Variants in CTNNA2 observed in about 807,000 individuals in gnomAD.
The protein encoded by CTNNA2 is catenin alpha-2.
A neutral mutation model predicts 101.0 loss-of-function variants in CTNNA2; 42 were observed. The ratio of observed to expected loss-of-function variants is 0.42; its 90% CI spans 0.32 to 0.54. The LOEUF (loss-of-function observed/expected upper bound fraction) is 0.54, where lower values mean the gene tolerates loss of function less well. Among genes scored for constraint, CTNNA2 ranks in the 20% least tolerant of loss-of-function variants. The probability of loss-of-function intolerance (pLI) is 0.14; values close to 1 mark genes in which losing one functional copy is unlikely to be tolerated. For synonymous variants in CTNNA2, 450 were observed against 456.4 expected (o/e 0.99, Z 0.18); for missense variants, 871 against 1,223.1 (o/e 0.71, Z 4.29).
intron 7 of CTNNA2, among the ~76,000 whole-genome samples, chr2:80,340,088 C>T (rs374320914): frequency 6.6e-6 from 1 of 152,286 alleles, no homozygotes; most frequent in Non-Finnish European, 1.5e-5. Flanking sequence ...TTTCTTCTTT[C>T]GACTGACAAG....
intron 3 of CTNNA2, among the ~76,000 whole-genome samples, chr2:79,795,621 A>G (rs965521057): frequency 1.3e-5 from 2 of 152,138 alleles, no homozygotes; most frequent in African/African-American, 4.8e-5. Flanking sequence ...AAAGGACTGT[A>G]TCATGTTTTA....
chr2:79,231,224 A>G (rs1674487880), intron 2 of CTNNA2, among the ~76,000 whole-genome samples: 1 of 152,224 alleles, frequency 6.6e-6, no homozygotes, highest in African/African-American at 2.4e-5. Flanking sequence ...TGTATCTCCC[A>G]AAATTCCCAC....
At chr2:79,889,975 T>C (rs1463289979) in intron 6 of CTNNA2, among the ~76,000 whole-genome samples, 1 of 152,202 alleles carries the variant, frequency 6.6e-6, no homozygotes, top group Non-Finnish European at 1.5e-5. Context: ...CAGATTAAAT[T>C]ACCTCTTGGT....
chr2:79,965,827 C>CAAAAAAAAAAA (rs10686940), intron 7 of CTNNA2, among the ~76,000 whole-genome samples: 54 of 77,972 alleles, frequency 6.9e-4, no homozygotes, highest in Non-Finnish European at 9.5e-4. Flanking sequence ...GAGACTATGT[C>CAAAAAAAAAAA]AAAAAAAAAA....
chr2:79,293,917 G>T (rs1247563696), intron 2 of CTNNA2, among the ~76,000 whole-genome samples: 1 of 152,044 alleles, frequency 6.6e-6, no homozygotes. Flanking sequence ...GATACAGCAG[G>T]ATGGCCTCAT....
intron 7 of CTNNA2, among the ~76,000 whole-genome samples, chr2:80,074,257 A>G (rs927336761): frequency 1.3e-5 from 2 of 152,176 alleles, no homozygotes; most frequent in African/African-American, 4.8e-5. Flanking sequence ...AGCACACTCC[A>G]TCATATTGGG....
intron 2 of CTNNA2, among the ~76,000 whole-genome samples, chr2:79,690,421 A>T (rs1684210880): frequency 6.6e-6 from 1 of 152,034 alleles, no homozygotes; most frequent in Non-Finnish European, 1.5e-5. Context: ...TTCCATACGA[A>T]AGGAAATACT....
chr2:79,895,691 AATT>A (rs1684657871), intron 6 of CTNNA2, among the ~76,000 whole-genome samples: 1 of 107,764 alleles, frequency 9.3e-6, no homozygotes, highest in Non-Finnish European at 1.8e-5. Context: ...GAAATTTCTT[AATT>A]TTTTTTTTTT....
At chr2:79,199,215 G>T (rs753716363) in intron 2 of CTNNA2, among the ~76,000 whole-genome samples, 5 of 152,160 alleles carry the variant, frequency 3.3e-5, no homozygotes, top group African/African-American at 4.8e-5. Context: ...GCTATAACAT[G>T]TGTGGCAGAC....
At chr2:80,019,883 T>C (rs775207432) in intron 7 of CTNNA2, among the ~76,000 whole-genome samples, 1 of 152,234 alleles carries the variant, frequency 6.6e-6, no homozygotes, top group Non-Finnish European at 1.5e-5. Flanking sequence ...ATGGAGTAAC[T>C]ATAGTCTCTG....
At chr2:79,326,300 CA>C (rs72151080) in intron 3 of CTNNA2, among the ~76,000 whole-genome samples, 1,306 of 118,916 alleles carry the variant, frequency 0.011, 6 homozygotes, top group Non-Finnish European at 0.015. Context: ...AACAAACAAG[CA>C]AAAAAAAAAA....
At chr2:80,232,221 T>C (rs1273488538) in intron 7 of CTNNA2, among the ~76,000 whole-genome samples, 3 of 152,040 alleles carry the variant, frequency 2.0e-5, no homozygotes, top group Non-Finnish European at 2.9e-5. Flanking sequence ...ACCCAACCAC[T>C]TTGCCACATG....
intron 3 of CTNNA2, among the ~76,000 whole-genome samples, chr2:79,328,673 T>G (rs1676802659): frequency 6.6e-6 from 1 of 152,110 alleles, no homozygotes; most frequent in Admixed American, 6.5e-5. Context: ...TACAGCATGT[T>G]AGGAAGATAT....
chr2:80,640,093 A>C (rs1397213265), intron 18 of CTNNA2, among the ~76,000 whole-genome samples: 1 of 152,030 alleles, frequency 6.6e-6, no homozygotes, highest in Admixed American at 6.6e-5. Flanking sequence ...CAGCGAGATA[A>C]CATCTCAAAA....
At chr2:80,611,214 A>C (rs1573451519) in intron 17 of CTNNA2, among the ~76,000 whole-genome samples, 1 of 104,020 alleles carries the variant, frequency 9.6e-6, no homozygotes, top group Admixed American at 9.7e-5. Flanking sequence ...AATTGGCTTT[A>C]TTTATTTGCT....
intron 4 of CTNNA2, among the ~76,000 whole-genome samples, chr2:79,485,081 T>G (rs1172848020): frequency 6.6e-6 from 1 of 152,192 alleles, no homozygotes; most frequent in Non-Finnish European, 1.5e-5. Context: ...ATGAAGGTTA[T>G]AGATGGATAT....
At chr2:79,256,787 C>T (rs1674851588) in intron 2 of CTNNA2, among the ~76,000 whole-genome samples, 2 of 152,136 alleles carry the variant, frequency 1.3e-5, no homozygotes, top group South Asian at 4.1e-4. Context: ...TCTCTCTAAG[C>T]CCCAGTTTTC....
intron 4 of CTNNA2, among the ~76,000 whole-genome samples, chr2:79,487,956 G>A (rs1049796992): frequency 1.4e-4 from 21 of 152,212 alleles, no homozygotes; most frequent in African/African-American, 4.8e-4. Flanking sequence ...TTTGGCTTAC[G>A]ACACAAAGTG....
chr2:79,922,849 CT>C (rs1686766343), intron 7 of CTNNA2, among the ~76,000 whole-genome samples: 1 of 152,070 alleles, frequency 6.6e-6, no homozygotes, highest in African/African-American at 2.4e-5. Flanking sequence ...TTTATTGCCA[CT>C]CTGTGATTCT....
Sources: gnomAD v4.1 joint callset for allele counts (sites outside exome capture counted in the v4.1 genomes callset) on GRCh38, gnomAD v4.1.1 for gene constraint, MANE v1.5 for transcripts, NCBI Gene and HGNC (gene_info 2026-07-23, HGNC 2026-07-21) for gene names.